Variants in HDAC4 observed in about 807,000 individuals in gnomAD.
HDAC4 encodes the protein histone deacetylase 4.
HDAC4 carries 16 observed loss-of-function variants against 135.1 expected under a neutral mutation model. That is an observed-to-expected ratio of 0.12 (90% CI 0.08 to 0.18). The LOEUF (loss-of-function observed/expected upper bound fraction) is 0.18, where lower values mean the gene tolerates loss of function less well. Ranked by LOEUF, HDAC4 falls within the 10% of genes least tolerant of loss-of-function variation. The pLI, the probability that HDAC4 is intolerant of heterozygous loss-of-function variation, is 1.00. For missense variants in HDAC4, 1,143 were observed against 1,511.8 expected (o/e 0.76, Z 4.05); for synonymous variants, 685 against 653.4 (o/e 1.05, Z -0.74).
Position 239,341,115 on chromosome 2 carries a change from C to T in HDAC4, c.22+11563G>A, listed in dbSNP as rs554881809. Among the ~76,000 whole-genome samples the T allele has an allele frequency of 5.9e-5, 9 of 152,344 alleles. No homozygotes were observed. The South Asian group carries it at 1.4e-3, about 25-fold the overall frequency. ...CTCTGCTTTCCATGTCTCCAGTTTC[C>T]CCTAGGGCCTCCTCAAATGTTCTAG... On this transcript the variant is annotated intron_variant, in intron 2 of 26. Transcript: ENST00000543185.
chr2:239,204,673 G>A (rs561974853), intron 3 of HDAC4, among the ~76,000 whole-genome samples: 1 of 152,174 alleles, frequency 6.6e-6, no homozygotes, highest in East Asian at 1.9e-4. Flanking sequence ...CAGGCGTCCC[G>A]GGCCTGGCAC....
intron 3 of HDAC4, among the ~76,000 whole-genome samples, chr2:239,203,348 C>T (rs374359244): frequency 1.1e-4 from 17 of 152,172 alleles, no homozygotes; most frequent in African/African-American, 2.2e-4. Context: ...GCTTCACACA[C>T]GAGTCAAGGA....
chr2:239,067,757 C>T (rs535742396), intron 23 of HDAC4, among the ~76,000 whole-genome samples: 10 of 152,288 alleles, frequency 6.6e-5, no homozygotes, highest in East Asian at 5.8e-4. Flanking sequence ...CACGCAAGGA[C>T]CTGAGAGACG....
chr2:239,378,182 A>C (rs1230247025), intron 1 of HDAC4, among the ~76,000 whole-genome samples: 1 of 152,024 alleles, frequency 6.6e-6, no homozygotes, highest in East Asian at 2.0e-4. Flanking sequence ...TTGGACCCTG[A>C]GGCGTCTGTC....
intron 2 of HDAC4, among the ~76,000 whole-genome samples, chr2:239,266,421 G>T (rs1412232942): frequency 6.6e-6 from 1 of 152,170 alleles, no homozygotes; most frequent in Non-Finnish European, 1.5e-5. Flanking sequence ...CAGATTCACA[G>T]CCCACCTGCC....
intron 5 of HDAC4, among the ~76,000 whole-genome samples, chr2:239,173,223 C>A (rs11883661): frequency 4.9e-4 from 75 of 152,342 alleles, no homozygotes; most frequent in African/African-American, 1.8e-3. Flanking sequence ...GTTTGGCAAT[C>A]TCCCTCAGGA....
At chr2:239,318,008 C>T (rs1307508045) in intron 2 of HDAC4, among the ~76,000 whole-genome samples, 2 of 151,618 alleles carry the variant, frequency 1.3e-5, no homozygotes, top group Non-Finnish European at 2.9e-5. Flanking sequence ...GAGGGCTTCC[C>T]GTCCTGAATG....
chr2:239,310,671 A>T (rs2052831701), intron 2 of HDAC4, among the ~76,000 whole-genome samples: 1 of 152,212 alleles, frequency 6.6e-6, no homozygotes, highest in African/African-American at 2.4e-5. Context: ...TGCAAATATG[A>T]TAAGCAAACA....
chr2:239,145,246 G>A (rs2041676257), intron 7 of HDAC4, among the ~76,000 whole-genome samples: 1 of 152,224 alleles, frequency 6.6e-6, no homozygotes, highest in South Asian at 2.1e-4. Flanking sequence ...CGCCCCAGCT[G>A]TGTCAGTCAG....
intron 4 of HDAC4, among the ~76,000 whole-genome samples, chr2:239,177,411 A>G (rs1171040581): frequency 2.6e-5 from 4 of 152,216 alleles, no homozygotes; most frequent in Non-Finnish European, 5.9e-5. Flanking sequence ...GACTATATTC[A>G]CATGAAGCCC....
chr2:239,148,794 G>A (rs760429827), intron 7 of HDAC4, among the ~76,000 whole-genome samples: 10 of 152,214 alleles, frequency 6.6e-5, no homozygotes, highest in Non-Finnish European at 8.8e-5. Flanking sequence ...AGAGCAGACC[G>A]TTCACACGCA....
chr2:239,175,260 G>A (rs2043686728), intron 5 of HDAC4, among the ~76,000 whole-genome samples: 1 of 152,248 alleles, frequency 6.6e-6, no homozygotes, highest in Admixed American at 6.5e-5. Flanking sequence ...AACACACAGT[G>A]AGCCAAGGGC....
At chr2:239,217,581 C>G (rs1225446362) in intron 3 of HDAC4, among the ~76,000 whole-genome samples, 4 of 152,224 alleles carry the variant, frequency 2.6e-5, no homozygotes, top group Middle Eastern at 3.4e-3. Flanking sequence ...TGCCGACGGG[C>G]TACTCTCTCA....
At chr2:239,315,018 C>G (rs1028103184) in intron 2 of HDAC4, among the ~76,000 whole-genome samples, 3 of 152,212 alleles carry the variant, frequency 2.0e-5, no homozygotes, top group Non-Finnish European at 4.4e-5. Flanking sequence ...CTGAAGCCTG[C>G]TACCCGGAGG....
intron 2 of HDAC4, among the ~76,000 whole-genome samples, chr2:239,237,462 G>C (rs1002776612): frequency 6.6e-6 from 1 of 152,046 alleles, no homozygotes; most frequent in African/African-American, 2.4e-5. Context: ...CTTGCACGCG[G>C]AGGTCATTTT....
At chr2:239,199,578 G>T (rs1016552766) in intron 3 of HDAC4, among the ~76,000 whole-genome samples, 1 of 152,162 alleles carries the variant, frequency 6.6e-6, no homozygotes, top group African/African-American at 2.4e-5. Context: ...AGTGAGGAGG[G>T]TGTGTTTTCC....
At chr2:239,397,892 C>A (rs1188797997) in intron 1 of HDAC4, among the ~76,000 whole-genome samples, 1 of 152,180 alleles carries the variant, frequency 6.6e-6, no homozygotes, top group Non-Finnish European at 1.5e-5. Flanking sequence ...CAGAGCCCAC[C>A]ACACGGCAGG....
At chr2:239,293,656 G>A (rs1325290064) in intron 2 of HDAC4, among the ~76,000 whole-genome samples, 3 of 152,176 alleles carry the variant, frequency 2.0e-5, no homozygotes, top group Non-Finnish European at 4.4e-5. Context: ...GCTTCCTGCA[G>A]TGGCTACGCA....
chr2:239,222,540 A>G (rs2047017913), intron 3 of HDAC4, among the ~76,000 whole-genome samples: 1 of 151,460 alleles, frequency 6.6e-6, no homozygotes, highest in Non-Finnish European at 1.5e-5. Flanking sequence ...ATACCAAAAA[A>G]AAAAAAAAAA....
Sources: gnomAD v4.1 joint callset for allele counts (sites outside exome capture counted in the v4.1 genomes callset) on GRCh38, gnomAD v4.1.1 for gene constraint, MANE v1.5 for transcripts, NCBI Gene and HGNC (gene_info 2026-07-23, HGNC 2026-07-21) for gene names.